The following GRIN2A variants were observed in gnomAD, a reference collection of about 807,000 sequenced individuals.
GRIN2A encodes glutamate receptor ionotropic, NMDA 2A.
GRIN2A carries 22 observed loss-of-function variants against 113.4 expected under a neutral mutation model. The ratio of observed to expected loss-of-function variants is 0.19; its 90% CI spans 0.14 to 0.28. The LOEUF is 0.28. GRIN2A is among the 10% of genes least tolerant of loss of function. GRIN2A has a pLI of 1.00. For missense variants in GRIN2A, 1,502 were observed against 1,887.0 expected (o/e 0.80, Z 3.78); for synonymous variants, 827 against 738.4 (o/e 1.12, Z -1.94).
chr16:9,814,768 C>T (rs1157844697), intron 10 of GRIN2A, among the ~76,000 whole-genome samples: 2 of 152,038 alleles, frequency 1.3e-5, no homozygotes, highest in Admixed American at 6.6e-5. Context: ...GCCTGTAGTC[C>T]CAGCAATTTG....
At chr16:10,072,966 T>TTTTC (rs1555474416) in intron 2 of GRIN2A, among the ~76,000 whole-genome samples, 1 of 142,186 alleles carries the variant, frequency 7.0e-6, no homozygotes. Flanking sequence ...TTTTTTTTTT[T>TTTTC]TGAGACAGAG....
intron 11 of GRIN2A, chr16:9,794,661 C>T (rs1902857525): frequency 1.3e-5 from 2 of 152,204 alleles, no homozygotes; most frequent in Non-Finnish European, 2.9e-5. Context: ...TTCCCAAACC[C>T]AAGTCTGACC....
intron 2 of GRIN2A, among the ~76,000 whole-genome samples, chr16:10,019,232 A>G (rs1234000040): frequency 2.6e-5 from 4 of 152,238 alleles, no homozygotes; most frequent in Non-Finnish European, 5.9e-5. Flanking sequence ...ATAAGGATAA[A>G]ATAAGATATA....
chr16:9,852,776 T>G (rs1567346938), intron 4 of GRIN2A, among the ~76,000 whole-genome samples: 1 of 152,236 alleles, frequency 6.6e-6, no homozygotes, highest in Non-Finnish European at 1.5e-5. Context: ...TTCTTCACTT[T>G]CCCTGCCTAT....
intron 2 of GRIN2A, among the ~76,000 whole-genome samples, chr16:10,165,447 T>C (rs2049893528): frequency 6.7e-6 from 1 of 149,506 alleles, no homozygotes; most frequent in African/African-American, 2.5e-5. Flanking sequence ...TATAGATTAC[T>C]TGTATATTAG....
chr16:9,988,708 G>A (rs527873272), intron 2 of GRIN2A, among the ~76,000 whole-genome samples: 11 of 152,218 alleles, frequency 7.2e-5, no homozygotes, highest in Admixed American at 5.2e-4. Flanking sequence ...ATGAGGAACA[G>A]GGAATTTAAA....
rs761754064 is a variant in GRIN2A, at chr16:9,761,330, C to T, written c.*1819G>A. 4.4e-6 allele frequency: 1 copy of T among 229,088 alleles called. No homozygotes were observed. The highest frequency in any genetic ancestry group is 8.7e-6 in the Non-Finnish European group (1 of 115,566). 14.2% of individuals were successfully genotyped at this position (229,088 alleles called of 1,614,324 possible). The stretch of plus-strand genomic sequence containing the variant: ...GAGAAGAAATGGGATAATTTTTCAA[C>T]CTGCCACTTTATCCCTTTCTTCAAG... On this transcript the variant is annotated 3_prime_UTR_variant, in exon 13 of 13. Coordinates refer to ENST00000330684, the MANE Select transcript of GRIN2A (RefSeq NM_001134407.3).
At chr16:9,789,549 TACATACACACACACACACAC>T (rs1298649349) in intron 11 of GRIN2A, among the ~76,000 whole-genome samples, 2 of 115,288 alleles carry the variant, frequency 1.7e-5, no homozygotes, top group Non-Finnish European at 3.6e-5. Context: ...ATATGAAACA[TACATACACACACACACACAC>T]ACACACACAC....
intron 2 of GRIN2A, among the ~76,000 whole-genome samples, chr16:9,972,887 C>T (rs2045700696): frequency 6.6e-6 from 1 of 152,198 alleles, no homozygotes; most frequent in African/African-American, 2.4e-5. Context: ...TTTATTATGA[C>T]TCAAAATCAG....
At chr16:9,814,209 A>C (rs1861191) in intron 10 of GRIN2A, among the ~76,000 whole-genome samples, 50,924 of 151,858 alleles carry the variant, frequency 0.34, 9,840 homozygotes, top group African/African-American at 0.54. Context: ...CTTTAGTTTT[A>C]AATTCTCCCC....
chr16:10,120,479 G>C (rs2048812045), intron 2 of GRIN2A, among the ~76,000 whole-genome samples: 1 of 152,144 alleles, frequency 6.6e-6, no homozygotes, highest in Non-Finnish European at 1.5e-5. Flanking sequence ...GGGCTTTAAA[G>C]CCAGTGGCCC....
intron 3 of GRIN2A, among the ~76,000 whole-genome samples, chr16:9,916,654 C>T (rs867139234): frequency 4.6e-5 from 7 of 152,126 alleles, no homozygotes; most frequent in African/African-American, 1.4e-4. Context: ...TAGGAGTCAA[C>T]GGTCCACTCC....
chr16:9,951,466 G>A (rs1055828663), intron 2 of GRIN2A, among the ~76,000 whole-genome samples: 3 of 152,280 alleles, frequency 2.0e-5, no homozygotes, highest in South Asian at 2.1e-4. Context: ...GTGTATGTGC[G>A]CACAGGCGTG....
chr16:10,169,027 CTT>C, intron 2 of GRIN2A, among the ~76,000 whole-genome samples: 1 of 149,840 alleles, frequency 6.7e-6, no homozygotes. Flanking sequence ...TAATTTCACT[CTT>C]ATGTCTGTCC....
chr16:9,791,145 C>G lies in GRIN2A; in HGVS notation c.2356+7132G>C, dbSNP rs1041248025. On this transcript the variant is annotated intron_variant, in intron 11 of 12. Transcript: ENST00000330684. The stretch of plus-strand genomic sequence containing the variant: ...AACCTTCATCTTACTTATTTCACTT[C>G]TCTTGCTTTGCTAAATGCCACAAGT... Among the ~76,000 whole-genome samples the G allele has an allele frequency of 2.0e-5, 3 of 152,202 alleles. No homozygotes were observed. The East Asian group carries it at 5.8e-4, about 29-fold the overall frequency.
intron 3 of GRIN2A, among the ~76,000 whole-genome samples, chr16:9,923,991 G>C (rs1027534327): frequency 6.6e-6 from 1 of 151,810 alleles, no homozygotes; most frequent in African/African-American, 2.4e-5. Context: ...GCCGGGCTTG[G>C]TGGCATGTGC....
intron 10 of GRIN2A, among the ~76,000 whole-genome samples, chr16:9,818,859 T>G (rs1567321417): frequency 6.6e-6 from 1 of 152,238 alleles, no homozygotes; most frequent in Non-Finnish European, 1.5e-5. Context: ...ATTGCAACTG[T>G]GACCCACTCT....
At chr16:9,885,871 G>A (rs1475386128) in intron 4 of GRIN2A, among the ~76,000 whole-genome samples, 1 of 152,222 alleles carries the variant, frequency 6.6e-6, no homozygotes, top group Non-Finnish European at 1.5e-5. Context: ...CAGTATTTGT[G>A]CATTCTAAGC....
At chr16:10,004,424 C>T (rs369320814) in intron 2 of GRIN2A, among the ~76,000 whole-genome samples, 32 of 151,958 alleles carry the variant, frequency 2.1e-4, no homozygotes, top group Non-Finnish European at 3.2e-4. Context: ...ATGTTTCTTA[C>T]GGCTGCTGTA....
Sources: gnomAD v4.1 joint callset for allele counts (sites outside exome capture counted in the v4.1 genomes callset) on GRCh38, gnomAD v4.1.1 for gene constraint, MANE v1.5 for transcripts, NCBI Gene and HGNC (gene_info 2026-07-23, HGNC 2026-07-21) for gene names.